The following RASAL2 variants were observed in gnomAD, a reference collection of about 807,000 sequenced individuals.
RASAL2 encodes ras GTPase-activating protein nGAP.
A neutral mutation model predicts 128.9 loss-of-function variants in RASAL2; 58 were observed. The observed-to-expected ratio is 0.45, with a 90% CI of 0.36 to 0.56. RASAL2 has a LOEUF of 0.56. Ranked by LOEUF, RASAL2 falls within the 20% of genes least tolerant of loss-of-function variation. The pLI is 0.00. For missense variants in RASAL2, 1,360 were observed against 1,601.6 expected (o/e 0.85, Z 2.57); for synonymous variants, 561 against 580.8 (o/e 0.97, Z 0.49).
chr1:178,372,134 C>G (rs1470590617), intron 3 of RASAL2: 1 of 980,470 alleles, frequency 1.0e-6, no homozygotes, highest in Non-Finnish European at 1.2e-6. Flanking sequence ...ACTGCCTAGC[C>G]AGCAATTTAA....
intron 4 of RASAL2, among the ~76,000 whole-genome samples, chr1:178,415,156 A>G (rs1674676520): frequency 6.6e-6 from 1 of 151,974 alleles, no homozygotes; most frequent in Non-Finnish European, 1.5e-5. Context: ...ATAGACACTT[A>G]GTATTGGGTT....
chr1:178,398,510 G>A (rs1673403275), intron 4 of RASAL2, among the ~76,000 whole-genome samples: 1 of 152,214 alleles, frequency 6.6e-6, no homozygotes, highest in Admixed American at 6.5e-5. Flanking sequence ...TTTCATATTA[G>A]AGGAGTGTTT....
At chr1:178,222,274 A>T (rs887609246) in intron 1 of RASAL2, among the ~76,000 whole-genome samples, 2 of 152,074 alleles carry the variant, frequency 1.3e-5, no homozygotes, top group Non-Finnish European at 2.9e-5. Flanking sequence ...TATCTACCAT[A>T]TTACTTCCTA....
chr1:178,223,127 T>C (rs1663667130), intron 1 of RASAL2, among the ~76,000 whole-genome samples: 1 of 152,188 alleles, frequency 6.6e-6, no homozygotes, highest in Non-Finnish European at 1.5e-5. Context: ...TCTCTTTTTA[T>C]TAATTAATTC....
At chr1:178,241,573 T>C (rs1253947997) in intron 1 of RASAL2, among the ~76,000 whole-genome samples, 2 of 152,176 alleles carry the variant, frequency 1.3e-5, no homozygotes, top group Non-Finnish European at 2.9e-5. Flanking sequence ...CTATCCATCT[T>C]TAATTTAACT....
chr1:178,165,940 C>T (rs1013766798), intron 1 of RASAL2, among the ~76,000 whole-genome samples: 1 of 151,974 alleles, frequency 6.6e-6, no homozygotes, highest in Admixed American at 6.6e-5. Context: ...GAGTAGATAG[C>T]GGGAATTACA....
chr1:178,360,602 G>A (rs1671054993), intron 3 of RASAL2, among the ~76,000 whole-genome samples: 1 of 152,210 alleles, frequency 6.6e-6, no homozygotes, highest in Admixed American at 6.5e-5. Flanking sequence ...CAGTCAGCAA[G>A]GTTACAGGCT....
chr1:178,221,782 CG>C (rs758051473), intron 1 of RASAL2, among the ~76,000 whole-genome samples: 5 of 152,078 alleles, frequency 3.3e-5, no homozygotes, highest in Non-Finnish European at 7.4e-5. Context: ...AGTGAATTGC[CG>C]GTGCTGTTGA....
intron 4 of RASAL2, among the ~76,000 whole-genome samples, chr1:178,404,786 A>G (rs970287612): frequency 1.4e-5 from 2 of 147,898 alleles, no homozygotes; most frequent in African/African-American, 5.0e-5. Context: ...GGTTCAAAGG[A>G]TCTTCCCACC....
intron 1 of RASAL2, among the ~76,000 whole-genome samples, chr1:178,191,953 T>A (rs1433863217): frequency 1.3e-5 from 2 of 152,174 alleles, no homozygotes; most frequent in Non-Finnish European, 2.9e-5. Flanking sequence ...TCAAAAGACT[T>A]ATGTGAATCT....
At chr1:178,215,227 A>G (rs1276146821) in intron 1 of RASAL2, among the ~76,000 whole-genome samples, 1 of 152,236 alleles carries the variant, frequency 6.6e-6, no homozygotes, top group African/African-American at 2.4e-5. Context: ...GACTCTGGTC[A>G]TGTAGCTAAG....
intron 1 of RASAL2, among the ~76,000 whole-genome samples, chr1:178,219,644 A>AAAAG (rs538799578): frequency 2.2e-4 from 33 of 151,556 alleles, no homozygotes; most frequent in African/African-American, 5.8e-4. Flanking sequence ...AAAAAAAAAA[A>AAAAG]AAAGAAAGAA....
intron 1 of RASAL2, among the ~76,000 whole-genome samples, chr1:178,185,234 G>T (rs1662250064): frequency 6.6e-6 from 1 of 151,230 alleles, no homozygotes; most frequent in South Asian, 2.1e-4. Flanking sequence ...GTTCCGAGAG[G>T]TTTTTAGTAG....
At chr1:178,354,449 A>G (rs1045188315) in intron 3 of RASAL2, among the ~76,000 whole-genome samples, 21 of 152,228 alleles carry the variant, frequency 1.4e-4, no homozygotes, top group Non-Finnish European at 2.1e-4. Context: ...GATGTCCATT[A>G]TTATCCTTGC....
intron 1 of RASAL2, among the ~76,000 whole-genome samples, chr1:178,217,038 C>T (rs1419139067): frequency 6.6e-6 from 1 of 151,990 alleles, no homozygotes; most frequent in African/African-American, 2.4e-5. Flanking sequence ...TGCAATGGCA[C>T]GACCTCGGCT....
At chr1:178,290,843 T>G (rs1667249697) in intron 2 of RASAL2, among the ~76,000 whole-genome samples, 1 of 148,340 alleles carries the variant, frequency 6.7e-6, no homozygotes, top group Non-Finnish European at 1.5e-5. Context: ...GCACGGCTAA[T>G]TTTTTTGTAT....
At chr1:178,400,419 T>G (rs1266573665) in intron 4 of RASAL2, among the ~76,000 whole-genome samples, 1 of 152,160 alleles carries the variant, frequency 6.6e-6, no homozygotes, top group African/African-American at 2.4e-5. Flanking sequence ...CTAGGCAGCA[T>G]TAACCTTGGC....
At chr1:178,391,104 A>G (rs1466149891) in intron 4 of RASAL2, among the ~76,000 whole-genome samples, 1 of 152,170 alleles carries the variant, frequency 6.6e-6, no homozygotes, top group African/African-American at 2.4e-5. Context: ...GGCAGTATTG[A>G]GAATCAGCAT....
intron 3 of RASAL2, among the ~76,000 whole-genome samples, chr1:178,308,696 C>A (rs868084054): frequency 6.6e-6 from 1 of 151,770 alleles, no homozygotes; most frequent in Middle Eastern, 3.2e-3. Context: ...CAGGCACTCA[C>A]CACCATGCCT....
Sources: allele counts gnomAD v4.1 joint callset (sites outside exome capture counted in the v4.1 genomes callset), GRCh38; gene constraint gnomAD v4.1.1; transcripts MANE v1.5; gene names NCBI Gene and HGNC (gene_info 2026-07-23, HGNC 2026-07-21).